ADAMTS17: variants seen among roughly 807,000 people sequenced by gnomAD.
The protein encoded by ADAMTS17 is ADAM metallopeptidase with thrombospondin type 1 motif 17.
A neutral mutation model predicts 141.5 loss-of-function variants in ADAMTS17; 113 were observed. That is an observed-to-expected ratio of 0.80 (90% CI 0.69 to 0.93). ADAMTS17 has a LOEUF of 0.93. Ranked by LOEUF, ADAMTS17 falls within the 40% of genes least tolerant of loss-of-function variation. The pLI is 0.00. For synonymous variants in ADAMTS17, 768 were observed against 630.6 expected, an observed-to-expected ratio of 1.22 and a Z score of -3.27; for missense variants, 1,659 against 1,517.9, an observed-to-expected ratio of 1.09 and a Z score of -1.54.
At position 100,339,159 on chromosome 15, in the gene ADAMTS17, T is replaced by C. The variant is rs916719352; in HGVS notation, c.450+1880A>G. 5 of 985,352 alleles carry C rather than the reference T, an allele frequency of 5.1e-6. No homozygotes were observed. The African/African-American group carries it at 7.0e-5, about 14-fold the overall frequency. The allele number at this position is 985,352 out of a possible 1,614,324, so 61.0% of individuals were successfully genotyped here. Reference sequence around the variant, plus strand: ...TCAGCCTGTTGGCCAGGTTCCTTTATCTAAAGCACAGCACCCTCACATGGT... The same window carrying C: ...TCAGCCTGTTGGCCAGGTTCCTTTACCTAAAGCACAGCACCCTCACATGGT... On this transcript the variant is annotated intron_variant, in intron 2 of 21. Coordinates refer to ENST00000268070, the MANE Select transcript of ADAMTS17 (RefSeq NM_139057.4).
chr15:100,216,096 CT>C (rs1233091421), intron 7 of ADAMTS17, among the ~76,000 whole-genome samples: 3 of 152,240 alleles, frequency 2.0e-5, no homozygotes, highest in African/African-American at 7.2e-5. Flanking sequence ...CACTTCCCAC[CT>C]GGGTGACTAT....
intron 7 of ADAMTS17, among the ~76,000 whole-genome samples, chr15:100,250,162 A>C (rs2043109311): frequency 6.6e-6 from 1 of 152,248 alleles, no homozygotes; most frequent in Non-Finnish European, 1.5e-5. Flanking sequence ...AAAAAAGATG[A>C]GTATAAGCAT....
At chr15:100,028,953 A>C (rs2029876415) in intron 18 of ADAMTS17, among the ~76,000 whole-genome samples, 1 of 152,218 alleles carries the variant, frequency 6.6e-6, no homozygotes, top group Non-Finnish European at 1.5e-5. Context: ...AAACAACCAC[A>C]AAAAGTTATC....
At chr15:100,239,698 A>G (rs966285434) in intron 7 of ADAMTS17, among the ~76,000 whole-genome samples, 1 of 152,160 alleles carries the variant, frequency 6.6e-6, no homozygotes, top group African/African-American at 2.4e-5. Flanking sequence ...GCCTGGTGCT[A>G]CTGGAGCACA....
At position 100,308,285 on chromosome 15, in the gene ADAMTS17, T is replaced by C. The variant is rs568714029; in HGVS notation, c.616+22604A>G. On this transcript the variant is annotated intron_variant, in intron 3 of 21. Transcript: ENST00000268070. ...TTTTATCTGGCAGCCAGAAATTATG[T>C]TCAGTTGTCTGGAACACAGGCTGCT... Among the ~76,000 whole-genome samples, 10 of 152,336 alleles carry C rather than the reference T, an allele frequency of 6.6e-5. 1 individual carries two copies. The South Asian group carries it at 1.9e-3, about 28-fold the overall frequency.
intron 20 of ADAMTS17, among the ~76,000 whole-genome samples, chr15:99,988,851 C>T (rs566993130): frequency 2.0e-5 from 3 of 152,208 alleles, no homozygotes; most frequent in South Asian, 2.1e-4. Context: ...GAGTGAGCCA[C>T]GTGATGCATG....
chr15:100,291,354 C>T (rs1377960069), intron 3 of ADAMTS17, among the ~76,000 whole-genome samples: 1 of 152,184 alleles, frequency 6.6e-6, no homozygotes, highest in Non-Finnish European at 1.5e-5. Flanking sequence ...CTAGCAGATG[C>T]TGGCGAGGTT....
intron 18 of ADAMTS17, among the ~76,000 whole-genome samples, chr15:100,037,202 A>C (rs2030810523): frequency 6.6e-6 from 1 of 152,192 alleles, no homozygotes; most frequent in Non-Finnish European, 1.5e-5. Flanking sequence ...ACTTCTCGAC[A>C]TCCTCATCAA....
At chr15:100,144,847 T>C (rs554530331) in intron 10 of ADAMTS17, among the ~76,000 whole-genome samples, 111 of 151,014 alleles carry the variant, frequency 7.4e-4, no homozygotes, top group African/African-American at 2.5e-3. Flanking sequence ...TGGGCTCATC[T>C]TGAGGCAGGC....
chr15:100,311,813 C>G (rs775372330), intron 3 of ADAMTS17, among the ~76,000 whole-genome samples: 141 of 149,246 alleles, frequency 9.4e-4, no homozygotes, highest in Non-Finnish European at 1.3e-3. Flanking sequence ...ACATGTCCAA[C>G]AGATAAGTGA....
intron 7 of ADAMTS17, among the ~76,000 whole-genome samples, chr15:100,202,820 C>T (rs1009574149): frequency 1.3e-5 from 2 of 152,196 alleles, no homozygotes; most frequent in African/African-American, 4.8e-5. Flanking sequence ...AAACTGAGGT[C>T]TGTGACAAAG....
chr15:100,224,335 T>A (rs535349125), intron 7 of ADAMTS17, among the ~76,000 whole-genome samples: 1 of 152,078 alleles, frequency 6.6e-6, no homozygotes, highest in East Asian at 1.9e-4. Flanking sequence ...GGTACAGATA[T>A]ACCAGGGAGG....
intron 19 of ADAMTS17, among the ~76,000 whole-genome samples, chr15:99,995,287 GCACCA>G (rs2060777207): frequency 6.6e-6 from 1 of 152,244 alleles, no homozygotes; most frequent in African/African-American, 2.4e-5. Context: ...AGGAACCCAT[GCACCA>G]TTTCTGCCTA....
At chr15:100,204,651 T>A (rs1173553441) in intron 7 of ADAMTS17, among the ~76,000 whole-genome samples, 4 of 152,190 alleles carry the variant, frequency 2.6e-5, no homozygotes, top group African/African-American at 9.7e-5. Flanking sequence ...ATTGAAGAGA[T>A]AAATGTGAGT....
intron 3 of ADAMTS17, among the ~76,000 whole-genome samples, chr15:100,288,861 G>C (rs2044535282): frequency 6.6e-6 from 1 of 152,130 alleles, no homozygotes; most frequent in Non-Finnish European, 1.5e-5. Flanking sequence ...AGCAGAAAAT[G>C]AAGTTATTTA....
chr15:100,188,078 TC>T (rs1401408597), intron 8 of ADAMTS17, among the ~76,000 whole-genome samples: 2 of 151,248 alleles, frequency 1.3e-5, no homozygotes, highest in Admixed American at 6.6e-5. Flanking sequence ...AGCGAGGTCC[TC>T]TTTTTTTTTT....
intron 18 of ADAMTS17, among the ~76,000 whole-genome samples, chr15:100,000,225 T>G (rs1323777103): frequency 6.6e-6 from 1 of 152,204 alleles, no homozygotes; most frequent in Admixed American, 6.5e-5. Flanking sequence ...ACGAAGAGAA[T>G]TGAGCTAAAT....
chr15:100,286,068 T>C (rs1376180678), intron 3 of ADAMTS17, among the ~76,000 whole-genome samples: 1 of 152,100 alleles, frequency 6.6e-6, no homozygotes, highest in African/African-American at 2.4e-5. Context: ...AGATGGCAGC[T>C]AACCACTGGA....
chr15:100,268,908 A>G (rs796824974), intron 4 of ADAMTS17, among the ~76,000 whole-genome samples: 16 of 152,344 alleles, frequency 1.1e-4, no homozygotes, highest in African/African-American at 3.8e-4. Flanking sequence ...ACCAAAAAAC[A>G]TAGCACTTAT....
Sources: allele counts gnomAD v4.1 joint callset (sites outside exome capture counted in the v4.1 genomes callset), GRCh38; gene constraint gnomAD v4.1.1; transcripts MANE v1.5; gene names NCBI Gene and HGNC (gene_info 2026-07-23, HGNC 2026-07-21).